Variants in FOCAD observed in about 807,000 individuals in gnomAD.
FOCAD encodes focadhesin.
Under a neutral mutation model 225.6 loss-of-function variants are expected in FOCAD, and 198 were observed. That is an observed-to-expected ratio of 0.88 (90% CI 0.78 to 0.99). The LOEUF (loss-of-function observed/expected upper bound fraction) is 0.99. FOCAD is among the 50% of genes least tolerant of loss of function. FOCAD has a pLI of 0.00. For missense variants in FOCAD, 2,713 were observed against 2,123.6 expected (o/e 1.28, Z -5.46); for synonymous variants, 897 against 755.0 (o/e 1.19, Z -3.08).
intron 39 of FOCAD, among the ~76,000 whole-genome samples, chr9:20,985,183 A>C (rs542449619): frequency 2.6e-5 from 4 of 152,350 alleles, no homozygotes; most frequent in African/African-American, 9.6e-5. Context: ...TTGTTACATT[A>C]AATTCCACAG....
At position 20,770,041 on chromosome 9, in the gene FOCAD, T is replaced by G. The variant is rs781607422; in HGVS notation, c.709T>G (p.Leu237Val). ...TGACTTTTTTAAACAGGTAAAAGAT[T>G]TGATACAGACAACAGAGGCGATGAT... Reference protein sequence around the residue: ...DIVPCLQVKDLIQTTEAMMFI... With the variant: ...DIVPCLQVKDVIQTTEAMMFI... The change falls in exon 8 of 44, where the codon TTG becomes GTG. Residue 237 changes from leucine (L) to valine (V), a missense_variant. Transcript: ENST00000338382. The G allele has an allele frequency of 3.1e-6, 5 of 1,613,758 alleles. No homozygotes were observed. Among genetic ancestry groups the G allele is most frequent in the Non-Finnish European group, 3.4e-6 (4 of 1,179,822 alleles).
At chr9:20,765,438 G>A (rs1829971804) in intron 7 of FOCAD, among the ~76,000 whole-genome samples, 1 of 151,068 alleles carries the variant, frequency 6.6e-6, no homozygotes, top group South Asian at 2.1e-4. Context: ...TGTGCACATT[G>A]GAAAAAAAAA....
At chr9:20,739,032 T>A (rs1452190779) in intron 4 of FOCAD, among the ~76,000 whole-genome samples, 1 of 152,172 alleles carries the variant, frequency 6.6e-6, no homozygotes, top group African/African-American at 2.4e-5. Flanking sequence ...TAGCCACATG[T>A]GGCTGTTACT....
At chr9:20,738,672 A>G (rs1365797311) in intron 4 of FOCAD, among the ~76,000 whole-genome samples, 3 of 152,226 alleles carry the variant, frequency 2.0e-5, no homozygotes, top group Non-Finnish European at 2.9e-5. Flanking sequence ...CAGCTGCAAG[A>G]GAAACCTCAA....
At chr9:20,914,588 A>G (rs1400404176) in intron 23 of FOCAD, among the ~76,000 whole-genome samples, 3 of 152,182 alleles carry the variant, frequency 2.0e-5, no homozygotes, top group Non-Finnish European at 4.4e-5. Context: ...AAGAGGAAAC[A>G]GCGAATTCAT....
intron 4 of FOCAD, among the ~76,000 whole-genome samples, chr9:20,723,654 T>C (rs1825968377): frequency 1.3e-5 from 2 of 152,166 alleles, no homozygotes; most frequent in Admixed American, 1.3e-4. Flanking sequence ...TAATAGAAAA[T>C]TTGTATGTAT....
chr9:20,806,121 A>G (rs1420141627), intron 11 of FOCAD, among the ~76,000 whole-genome samples: 3 of 152,224 alleles, frequency 2.0e-5, no homozygotes, highest in East Asian at 1.9e-4. Flanking sequence ...CTCATTAAAA[A>G]TTAAGTTGAC....
intron 31 of FOCAD, 116 bp from the exon 32 acceptor site, chr9:20,948,735 A>T (rs1837418125): frequency 2.8e-6 from 3 of 1,090,622 alleles, no homozygotes; most frequent in Non-Finnish European, 4.1e-6. Context: ...GGTTACGTTG[A>T]CCCTATAAGT....
chr9:20,738,664 G>T (rs1033176288), intron 4 of FOCAD, among the ~76,000 whole-genome samples: 3 of 152,182 alleles, frequency 2.0e-5, no homozygotes, highest in Non-Finnish European at 4.4e-5. Flanking sequence ...AAATGCTTCA[G>T]CTGCAAGAGA....
intron 2 of FOCAD, among the ~76,000 whole-genome samples, chr9:20,673,832 C>A (rs1400891785): frequency 6.6e-6 from 1 of 152,166 alleles, no homozygotes; most frequent in African/African-American, 2.4e-5. Flanking sequence ...TGGGCCTCTC[C>A]AAGTGCTTGG....
chr9:20,801,697 G>A (rs1182183791), intron 11 of FOCAD, among the ~76,000 whole-genome samples: 1 of 152,210 alleles, frequency 6.6e-6, no homozygotes, highest in Non-Finnish European at 1.5e-5. Context: ...TCTTTACTTT[G>A]TGAACCATAG....
chr9:20,815,825 G>C (rs910653818), intron 11 of FOCAD, among the ~76,000 whole-genome samples: 3 of 151,996 alleles, frequency 2.0e-5, no homozygotes, highest in Non-Finnish European at 4.4e-5. Flanking sequence ...AGATTAGGAG[G>C]ATCAAGAGCT....
intron 15 of FOCAD, among the ~76,000 whole-genome samples, chr9:20,855,723 A>G (rs1439088956): frequency 6.7e-6 from 1 of 149,438 alleles, no homozygotes; most frequent in Non-Finnish European, 1.5e-5. Flanking sequence ...CCCATTAATC[A>G]TTTCTGCTGT....
At chr9:20,989,435 C>A (rs970562536) in intron 41 of FOCAD, among the ~76,000 whole-genome samples, 22 of 152,260 alleles carry the variant, frequency 1.4e-4, no homozygotes, top group African/African-American at 5.3e-4. Context: ...AGTAATCCAA[C>A]TACTCAGAGG....
At chr9:20,892,498 G>A (rs1172716339) in intron 21 of FOCAD, among the ~76,000 whole-genome samples, 1 of 152,090 alleles carries the variant, frequency 6.6e-6, no homozygotes, top group East Asian at 1.9e-4. Flanking sequence ...ACCTTGAGGG[G>A]TTCAAGATTT....
At chr9:20,795,632 A>C (rs1820986750) in intron 11 of FOCAD, among the ~76,000 whole-genome samples, 1 of 151,678 alleles carries the variant, frequency 6.6e-6, no homozygotes, top group African/African-American at 2.4e-5. Context: ...AAAATACAAA[A>C]ACTTAGTCGG....
At chr9:20,813,496 C>A (rs1823311139) in intron 11 of FOCAD, among the ~76,000 whole-genome samples, 1 of 152,132 alleles carries the variant, frequency 6.6e-6, no homozygotes, top group African/African-American at 2.4e-5. Flanking sequence ...GTTCTAATTT[C>A]TTCACATCCT....
chr9:20,775,083 G>C (rs1284812497), intron 8 of FOCAD, among the ~76,000 whole-genome samples: 1 of 152,088 alleles, frequency 6.6e-6, no homozygotes, highest in Non-Finnish European at 1.5e-5. Context: ...TGGATGTCTT[G>C]TTCAAATATT....
rs137979880 is a variant in FOCAD, at chr9:20,981,571, G to C, written c.4523G>C (p.Ser1508Thr). ...SPLGSPELCP[S>T]ALHGLSQAMK... The stretch of plus-strand genomic sequence containing the variant: ...CTTGGAAGTCCTGAGCTATGCCCAA[G>C]TGCTTTACACGGTCTGAGCCAGGCC... The change falls in exon 38 of 44, where the codon AGT becomes ACT. Residue 1508 changes from serine to threonine, a missense_variant. Coordinates refer to ENST00000338382, the MANE Select transcript of FOCAD (RefSeq NM_001375567.1). The C allele has an allele frequency of 5.2e-5, 84 of 1,614,050 alleles. No individual in the cohort carries two copies. The African/African-American group carries it at 1.1e-3, about 20-fold the overall frequency.
Sources: allele counts gnomAD v4.1 joint callset (sites outside exome capture counted in the v4.1 genomes callset), GRCh38; gene constraint gnomAD v4.1.1; transcripts MANE v1.5; gene names NCBI Gene and HGNC (gene_info 2026-07-23, HGNC 2026-07-21).